The following RBFOX1 variants were observed in gnomAD, a reference collection of about 807,000 sequenced individuals.
RBFOX1 encodes the protein RNA binding protein fox-1 homolog 1.
In RBFOX1, 8 loss-of-function variants were observed where a neutral mutation model predicts 57.7. The observed-to-expected ratio is 0.14, with a 90% CI of 0.08 to 0.25. The LOEUF is 0.25. Ranked by LOEUF, RBFOX1 falls within the 10% of genes least tolerant of loss-of-function variation. The pLI is 1.00. For missense variants in RBFOX1, 611 were observed against 548.5 expected (o/e 1.11, Z -1.14); for synonymous variants, 326 against 222.4 (o/e 1.47, Z -4.15).
At chr16:6,248,333 C>G (rs187918542) in intron 1 of RBFOX1, among the ~76,000 whole-genome samples, 36 of 152,182 alleles carry the variant, frequency 2.4e-4, no homozygotes, top group East Asian at 1.9e-4. Flanking sequence ...ATGGGCATTT[C>G]TAGTTAAATC....
At chr16:5,781,980 CG>C (rs1421669881) in intron 3 of RBFOX1, among the ~76,000 whole-genome samples, 1 of 152,128 alleles carries the variant, frequency 6.6e-6, no homozygotes, top group Non-Finnish European at 1.5e-5. Context: ...CCGAGGTGGG[CG>C]GATTACTTGA....
At chr16:6,859,933 T>C (rs1158989956) in intron 3 of RBFOX1, among the ~76,000 whole-genome samples, 2 of 152,178 alleles carry the variant, frequency 1.3e-5, no homozygotes, top group Non-Finnish European at 2.9e-5. Flanking sequence ...AGCAAATTAA[T>C]GAATTGAGAC....
At chr16:6,160,113 C>G (rs189640414) in intron 1 of RBFOX1, among the ~76,000 whole-genome samples, 2 of 152,270 alleles carry the variant, frequency 1.3e-5, no homozygotes, top group East Asian at 3.9e-4. Context: ...ACATCTTAAC[C>G]TAAATCTACA....
At chr16:7,370,712 T>C (rs954657929) in intron 4 of RBFOX1, among the ~76,000 whole-genome samples, 7 of 152,250 alleles carry the variant, frequency 4.6e-5, no homozygotes, top group African/African-American at 1.7e-4. Flanking sequence ...ACTTGTGAAC[T>C]AGTGGCCAGT....
chr16:5,489,696 G>T (rs1393150005), intron 2 of RBFOX1, among the ~76,000 whole-genome samples: 3 of 152,194 alleles, frequency 2.0e-5, no homozygotes, highest in Non-Finnish European at 4.4e-5. Flanking sequence ...AGTGCTTGAC[G>T]TGATGACCTC....
chr16:5,640,552 A>G (rs904520680), intron 3 of RBFOX1, among the ~76,000 whole-genome samples: 3 of 151,666 alleles, frequency 2.0e-5, no homozygotes, highest in Admixed American at 6.6e-5. Context: ...ACATACATGC[A>G]TGCCATGCAT....
At position 6,422,408 on chromosome 16, in the gene RBFOX1, C is replaced by G. The variant is rs80265224; in HGVS notation, c.-64+105351C>G. On this transcript the variant is annotated intron_variant, in intron 2 of 15. Coordinates refer to ENST00000550418, the MANE Select transcript of RBFOX1 (RefSeq NM_018723.4). ...CCCATGCCCTCCTCCCTGTCTTTCC[C>G]CTCCAGTGGCCCCCTTGTCTATTGT... 5.0e-3 allele frequency among the ~76,000 whole-genome samples: 754 copies of G among 152,194 alleles called. 5 individuals are homozygous for G. Among genetic ancestry groups the G allele is most frequent in the African/African-American group, 0.017 (712 of 41,518 alleles).
intron 3 of RBFOX1, among the ~76,000 whole-genome samples, chr16:6,983,074 C>G (rs1405035566): frequency 6.8e-6 from 1 of 147,048 alleles, no homozygotes. Context: ...CATCACATTA[C>G]TGGGGAGTGG....
intron 1 of RBFOX1, among the ~76,000 whole-genome samples, chr16:6,260,509 T>C (rs2097695290): frequency 6.6e-6 from 1 of 152,102 alleles, no homozygotes; most frequent in African/African-American, 2.4e-5. Context: ...AATCAGCCCA[T>C]AGGTTTTAAT....
chr16:6,369,770 A>T (rs760365996), intron 2 of RBFOX1, among the ~76,000 whole-genome samples: 6 of 152,196 alleles, frequency 3.9e-5, no homozygotes, highest in Non-Finnish European at 5.9e-5. Flanking sequence ...AGTTCCAGAC[A>T]TGTTGCCTGG....
At chr16:7,329,072 A>G (rs533564753) in intron 4 of RBFOX1, among the ~76,000 whole-genome samples, 2 of 152,338 alleles carry the variant, frequency 1.3e-5, no homozygotes, top group African/African-American at 2.4e-5. Context: ...TGTATTGTCA[A>G]CGGATGCTTT....
intron 3 of RBFOX1, among the ~76,000 whole-genome samples, chr16:7,029,443 AATC>A (rs1361143235): frequency 6.6e-6 from 1 of 151,670 alleles, no homozygotes; most frequent in Non-Finnish European, 1.5e-5. Flanking sequence ...TGTCAAGAAA[AATC>A]ATCTTCAGTC....
intron 3 of RBFOX1, among the ~76,000 whole-genome samples, chr16:5,611,079 C>T (rs960458688): frequency 2.0e-5 from 3 of 152,118 alleles, no homozygotes; most frequent in African/African-American, 7.2e-5. Context: ...GAGCATCATC[C>T]ACATCCTTAG....
intron 1 of RBFOX1, among the ~76,000 whole-genome samples, chr16:6,104,179 G>A (rs1350409732): frequency 6.6e-6 from 1 of 151,650 alleles, no homozygotes; most frequent in Admixed American, 6.6e-5. Flanking sequence ...TTAATTGACA[G>A]ACAATAATTG....
chr16:7,265,964 G>GT (rs1204871254), intron 4 of RBFOX1, among the ~76,000 whole-genome samples: 2,177 of 70,156 alleles, frequency 0.031, 137 homozygotes, highest in African/African-American at 0.062. Context: ...GTGGGTTTTT[G>GT]TTTTTTTTTT....
At chr16:6,089,925 G>C (rs2096146581) in intron 1 of RBFOX1, 1 of 152,198 alleles carries the variant, frequency 6.6e-6, no homozygotes, top group Non-Finnish European at 1.5e-5. Context: ...ATTCTTAGTG[G>C]CTTGAAAGAA....
intron 2 of RBFOX1, among the ~76,000 whole-genome samples, chr16:6,361,941 A>G (rs1227469492): frequency 1.3e-5 from 2 of 152,028 alleles, no homozygotes; most frequent in African/African-American, 4.8e-5. Context: ...ACTTCTCATG[A>G]AGTCCCTGTG....
intron 3 of RBFOX1, among the ~76,000 whole-genome samples, chr16:5,610,999 C>T (rs2047762781): frequency 6.6e-6 from 1 of 152,232 alleles, no homozygotes; most frequent in African/African-American, 2.4e-5. Context: ...GCTTACAGAG[C>T]ATCCTACGAT....
chr16:7,412,267 T>C (rs2098436547), intron 4 of RBFOX1, among the ~76,000 whole-genome samples: 1 of 151,546 alleles, frequency 6.6e-6, no homozygotes, highest in Non-Finnish European at 1.5e-5. Context: ...ATACAAAAAT[T>C]AGCCAGGCGT....
Sources: gnomAD v4.1 joint callset for allele counts (sites outside exome capture counted in the v4.1 genomes callset) on GRCh38, gnomAD v4.1.1 for gene constraint, MANE v1.5 for transcripts, NCBI Gene and HGNC (gene_info 2026-07-23, HGNC 2026-07-21) for gene names.